Variants in NIBAN1 observed in about 807,000 individuals in gnomAD.
NIBAN1 encodes the protein protein Niban 1.
In NIBAN1, 81 loss-of-function variants were observed where a neutral mutation model predicts 75.1. That is an observed-to-expected ratio of 1.08 (90% confidence interval 0.90 to 1.30). The LOEUF (loss-of-function observed/expected upper bound fraction) is 1.30. Ranked by LOEUF, NIBAN1 falls within the 50% of genes most tolerant of loss-of-function variation. The pLI is 0.00. For missense variants in NIBAN1, 1,133 were observed against 1,128.1 expected (o/e 1.00, Z -0.06); for synonymous variants, 436 against 424.8 (o/e 1.03, Z -0.32).
chr1:184,887,857 T>G (rs1352118729), intron 4 of NIBAN1: 1 of 152,212 alleles, frequency 6.6e-6, no homozygotes, highest in Non-Finnish European at 1.5e-5. Context: ...TGTATCAACT[T>G]AGCTGAACAC....
chr1:184,856,410 C>A (rs768025793), intron 5 of NIBAN1, among the ~76,000 whole-genome samples: 1 of 151,996 alleles, frequency 6.6e-6, no homozygotes, highest in Non-Finnish European at 1.5e-5. Context: ...TCTAAAAAAT[C>A]TTTATTTATT....
At chr1:184,935,415 C>T (rs1046164200) in intron 1 of NIBAN1, among the ~76,000 whole-genome samples, 2 of 151,776 alleles carry the variant, frequency 1.3e-5, no homozygotes, top group African/African-American at 4.8e-5. Flanking sequence ...GGCCAAGGTG[C>T]GAAGATCACT....
intron 1 of NIBAN1, among the ~76,000 whole-genome samples, chr1:184,949,616 G>A (rs1185168328): frequency 6.6e-6 from 1 of 152,148 alleles, no homozygotes; most frequent in African/African-American, 2.4e-5. Flanking sequence ...TGAGTCACAT[G>A]GCTACCCAAG....
At chr1:184,892,588 AG>A (rs144171944) in intron 3 of NIBAN1, among the ~76,000 whole-genome samples, 2,535 of 152,276 alleles carry the variant, frequency 0.017, 28 homozygotes, top group Non-Finnish European at 0.027. Context: ...AATGTTGAAA[AG>A]AGTAAGTCTA....
rs1653782961 is a variant in NIBAN1, at chr1:184,794,514, C to T, written c.*463G>A. 4.2e-6 allele frequency: 1 copy of T among 237,786 alleles called. No homozygotes were observed. The highest frequency in any genetic ancestry group is 8.3e-6 in the Non-Finnish European group (1 of 120,254). The allele number at this position is 237,786 out of a possible 1,614,324, so 14.7% of individuals were successfully genotyped here. ...CTTGCAGTCTGACTGTGGACAAATG[C>T]CGAGTCCTTAAGAGATGGTGAAGTA... On this transcript the variant is annotated 3_prime_UTR_variant, in exon 14 of 14. Coordinates refer to ENST00000367511, the MANE Select transcript of NIBAN1 (RefSeq NM_052966.4).
chr1:184,792,183 C>T lies in NIBAN1; in HGVS notation c.*2794G>A, dbSNP rs2102169794. 6.6e-6 allele frequency: 1 copy of T among 152,352 alleles called. No homozygotes were observed. The highest frequency in any genetic ancestry group is 1.5e-5 in the Non-Finnish European group (1 of 68,072). 9.4% of individuals were successfully genotyped at this position (152,352 alleles called of 1,614,324 possible). The stretch of plus-strand genomic sequence containing the variant: ...CTAGAACTCCTGGGCTCAAGTGACC[C>T]TCTCACCTCAGCCTCCCAAAGTGCT... On this transcript the variant is annotated 3_prime_UTR_variant, in exon 14 of 14. Transcript: ENST00000367511.
At chr1:184,913,503 T>G (rs1305315645) in intron 1 of NIBAN1, among the ~76,000 whole-genome samples, 3 of 152,114 alleles carry the variant, frequency 2.0e-5, no homozygotes, top group Non-Finnish European at 2.9e-5. Context: ...GAAGAATTAT[T>G]CCCAGCATAC....
intron 9 of NIBAN1, 36 bp from the exon 10 acceptor site, chr1:184,808,271 A>C: frequency 6.2e-7 from 1 of 1,605,104 alleles, no homozygotes; most frequent in Non-Finnish European, 8.5e-7. Context: ...AAACACCCTC[A>C]GAATGAGGAG....
intron 1 of NIBAN1, among the ~76,000 whole-genome samples, chr1:184,910,659 T>C (rs2102004307): frequency 6.6e-6 from 1 of 152,076 alleles, no homozygotes; most frequent in African/African-American, 2.4e-5. Flanking sequence ...AAAAAGATGT[T>C]TTGATGATTA....
intron 5 of NIBAN1, 143 bp downstream of exon 5, chr1:184,884,490 G>T: frequency 2.8e-6 from 3 of 1,070,450 alleles, no homozygotes; most frequent in Non-Finnish European, 4.0e-6. Flanking sequence ...TTCCCAAAGT[G>T]CTGGGATTAC....
chr1:184,803,703 A>G lies in NIBAN1; in HGVS notation c.1447-11T>C, dbSNP rs192428433. The G allele has an allele frequency of 4.4e-6, 7 of 1,608,668 alleles. No homozygotes were observed. In the East Asian group the frequency reaches 1.6e-4, roughly 36 times the overall value. On this transcript the variant is annotated splice_polypyrimidine_tract_variant and intron_variant, in intron 11 of 13. Coordinates refer to ENST00000367511, the MANE Select transcript of NIBAN1 (RefSeq NM_052966.4). ...GTCATAATCATATTGCTGTCAATAA[A>G]GAAACATATGTTAAATAGTAACATT... is the stretch of plus-strand genomic sequence containing the variant.
At chr1:184,817,601 A>G (rs1452033984) in intron 9 of NIBAN1, among the ~76,000 whole-genome samples, 1 of 152,086 alleles carries the variant, frequency 6.6e-6, no homozygotes, top group East Asian at 1.9e-4. Context: ...TGTGGTTTTG[A>G]TTTGCATTTA....
chr1:184,799,886 C>A (rs1392146161), intron 12 of NIBAN1, among the ~76,000 whole-genome samples: 1 of 98,256 alleles, frequency 1.0e-5, no homozygotes, highest in Non-Finnish European at 1.9e-5. Context: ...GCTGGGACTA[C>A]AGGCGCCCGC....
At chr1:184,818,339 T>A (rs1280179801) in intron 9 of NIBAN1, among the ~76,000 whole-genome samples, 1 of 152,186 alleles carries the variant, frequency 6.6e-6, no homozygotes, top group Non-Finnish European at 1.5e-5. Flanking sequence ...TGGGTATCAG[T>A]GATGGTGACT....
chr1:184,906,657 T>A (rs1657114087), intron 1 of NIBAN1, among the ~76,000 whole-genome samples: 1 of 152,018 alleles, frequency 6.6e-6, no homozygotes. Context: ...ATAATAATAA[T>A]AAATCAGACT....
chr1:184,830,960 A>G (rs1442756132), intron 6 of NIBAN1, among the ~76,000 whole-genome samples: 1 of 151,086 alleles, frequency 6.6e-6, no homozygotes, highest in Non-Finnish European at 1.5e-5. Flanking sequence ...AGATTGCGCC[A>G]CTGTACTCCA....
At chr1:184,796,998 T>G (rs1217377445) in intron 13 of NIBAN1, among the ~76,000 whole-genome samples, 1 of 152,192 alleles carries the variant, frequency 6.6e-6, no homozygotes, top group African/African-American at 2.4e-5. Flanking sequence ...TCTCACTGGA[T>G]TCCCTAGAAT....
chr1:184,852,627 A>G lies in NIBAN1; in HGVS notation c.602-20665T>C, dbSNP rs568562187. Among the ~76,000 whole-genome samples, 9 of 152,326 alleles carry G rather than the reference A, an allele frequency of 5.9e-5. No individual in the cohort carries two copies. The South Asian group carries it at 1.7e-3, about 28-fold the overall frequency. On this transcript the variant is annotated intron_variant, in intron 5 of 13. Coordinates refer to ENST00000367511, the MANE Select transcript of NIBAN1 (RefSeq NM_052966.4). ...GACCATCATGTCTGCTTTCTCAGCT[A>G]TGAAACAATGTAATTCTATGATCAA...
intron 4 of NIBAN1, among the ~76,000 whole-genome samples, chr1:184,885,718 C>G (rs997667307): frequency 5.3e-5 from 8 of 152,170 alleles, no homozygotes; most frequent in Admixed American, 1.3e-4. Context: ...GATTCCTGTC[C>G]CCACCAGCTC....
Sources: allele counts gnomAD v4.1 joint callset (sites outside exome capture counted in the v4.1 genomes callset), GRCh38; gene constraint gnomAD v4.1.1; transcripts MANE v1.5; gene names NCBI Gene and HGNC (gene_info 2026-07-23, HGNC 2026-07-21).